Variants in KCNK10 observed in about 807,000 individuals in gnomAD.
The protein encoded by KCNK10 is potassium channel subfamily K member 10.
In KCNK10, 25 loss-of-function variants were observed where a neutral mutation model predicts 47.7. The ratio of observed to expected loss-of-function variants is 0.52; its 90% confidence interval spans 0.38 to 0.73. KCNK10 has a LOEUF of 0.73. Ranked by LOEUF, KCNK10 falls within the 30% of genes least tolerant of loss-of-function variation. KCNK10 has a pLI of 0.00. For synonymous variants in KCNK10, 303 were observed against 285.6 expected, an observed-to-expected ratio of 1.06 and a Z score of -0.61; for missense variants, 563 against 714.5, an observed-to-expected ratio of 0.79 and a Z score of 2.42.
intron 5 of KCNK10, 102 bp from the exon 6 acceptor site, chr14:88,188,211 T>C: frequency 7.3e-7 from 1 of 1,367,094 alleles, no homozygotes; most frequent in African/African-American, 1.4e-5. Flanking sequence ...CATCATTGTT[T>C]AACACTCAGC....
chr14:88,217,643 C>A (rs546673110), intron 4 of KCNK10, among the ~76,000 whole-genome samples: 1 of 152,114 alleles, frequency 6.6e-6, no homozygotes, highest in Non-Finnish European at 1.5e-5. Flanking sequence ...CAGTGTCAAC[C>A]TCCTAGACTC....
Position 88,186,036 on chromosome 14 carries a change from G to C in KCNK10, c.1131C>G (p.Ile377Met), listed in dbSNP as rs1226418841. 3.7e-6 allele frequency: 6 copies of C among 1,613,434 alleles called. No individual in the cohort carries two copies. Among genetic ancestry groups the C allele is most frequent in the Non-Finnish European group, 5.1e-6 (6 of 1,179,972 alleles). ...IHDKLQRAAT[I>M]RSMERRRLGL... is the part of the protein sequence containing the mutation. The stretch of plus-strand genomic sequence containing the variant: ...CCAGCCGCCGGCGCTCCATGCTGCG[G>C]ATGGTGGCCGCCCGCTGCAGCTTAT... Residue 377 changes from isoleucine (I) to methionine (M), a missense_variant, in exon 7 of 7, where the codon ATC becomes ATG. Coordinates refer to ENST00000319231, the MANE Select transcript of KCNK10 (RefSeq NM_138317.3). This position sits in a 1 kb window ranked among gnomAD's most constrained non-coding sequence, Gnocchi z 5.5.
rs552514102 is a variant in KCNK10 at position 88,263,757 on chromosome 14, A to G, written c.53-206T>C. On this transcript the variant is annotated intron_variant, in intron 1 of 6. Transcript: ENST00000319231. ...CTAAAAAATAAGCACCAGGGGTCCCAGTTTAAAAAAAAAAAAAGTATAAAC... is the reference window on the plus strand; with the variant it reads ...CTAAAAAATAAGCACCAGGGGTCCCGGTTTAAAAAAAAAAAAAGTATAAAC... Among the ~76,000 whole-genome samples the G allele has an allele frequency of 2.6e-4, 39 of 151,802 alleles. No individual in the cohort carries two copies. The East Asian group carries it at 2.7e-3, about 11-fold the overall frequency.
intron 1 of KCNK10, among the ~76,000 whole-genome samples, chr14:88,318,108 G>A (rs1204546071): frequency 6.6e-6 from 1 of 152,214 alleles, no homozygotes; most frequent in African/African-American, 2.4e-5. Flanking sequence ...AGAGCGAGCT[G>A]GAGCTTGCAA....
At chr14:88,261,804 C>A (rs531458539) in intron 2 of KCNK10, among the ~76,000 whole-genome samples, 1 of 151,942 alleles carries the variant, frequency 6.6e-6, no homozygotes, top group African/African-American at 2.4e-5. Context: ...ATTTGGAGAA[C>A]TGACTTCCTA....
intron 1 of KCNK10, among the ~76,000 whole-genome samples, chr14:88,287,114 A>G (rs1260534939): frequency 1.3e-5 from 2 of 152,224 alleles, no homozygotes; most frequent in Non-Finnish European, 2.9e-5. Context: ...AGAACATGCC[A>G]CTAACAGGCA....
At position 88,274,030 on chromosome 14, in the gene KCNK10, C is replaced by T. The variant is rs537978117; in HGVS notation, c.53-10479G>A. Among the ~76,000 whole-genome samples, 5 of 151,798 alleles carry T rather than the reference C, an allele frequency of 3.3e-5. No homozygotes were observed. The East Asian group carries it at 9.7e-4, about 30-fold the overall frequency. ...GCAGTTATCTCTCCTCACTGGCTCC[C>T]GGAGGGGTCTCCCCCCACCCCCCAC... On this transcript the variant is annotated intron_variant, in intron 1 of 6. Transcript: ENST00000319231.
intron 2 of KCNK10, among the ~76,000 whole-genome samples, chr14:88,252,281 A>G (rs1886822614): frequency 6.6e-6 from 1 of 152,148 alleles, no homozygotes; most frequent in African/African-American, 2.4e-5. Flanking sequence ...AACCTGGGAC[A>G]TTTGGTCATC....
intron 1 of KCNK10, among the ~76,000 whole-genome samples, chr14:88,307,054 G>A (rs115620231): frequency 1.1e-3 from 166 of 152,292 alleles, no homozygotes; most frequent in African/African-American, 3.6e-3. Context: ...TGTTCAGCAT[G>A]ATGCAGAGGT....
chr14:88,220,285 C>T (rs1361528166), intron 4 of KCNK10, among the ~76,000 whole-genome samples: 5 of 149,406 alleles, frequency 3.3e-5, no homozygotes, highest in East Asian at 2.0e-4. Flanking sequence ...GGCGTAGTGG[C>T]GGGCGCCTGT....
At chr14:88,256,173 A>G (rs1340542424) in intron 2 of KCNK10, among the ~76,000 whole-genome samples, 1 of 152,158 alleles carries the variant, frequency 6.6e-6, no homozygotes, top group Non-Finnish European at 1.5e-5. Context: ...TGGAATTCGG[A>G]TTAGCATCTT....
intron 1 of KCNK10, among the ~76,000 whole-genome samples, chr14:88,297,489 A>G (rs936356837): frequency 1.3e-5 from 2 of 152,234 alleles, no homozygotes. Flanking sequence ...CTCAGGGCAC[A>G]GTTTTGGTTC....
rs75132782 is a variant in KCNK10 at position 88,185,619 on chromosome 14, G to A, written c.1548C>T (p.His516=). The part of the protein sequence containing the change: ...TAMLTDCIQQ[H]AELENGMIPT... ...GTATCATTCCGTTCTCCAACTCAGC[G>A]TGCTGCTGGATACAGTCCGTCAGCA... The change falls in exon 7 of 7, where the codon CAC becomes CAT. Residue 516 remains histidine, a synonymous_variant. Coordinates refer to ENST00000319231, the MANE Select transcript of KCNK10 (RefSeq NM_138317.3). The surrounding 1 kb of genome is among the most constrained non-coding windows in gnomAD (Gnocchi z 4.3). The A allele has an allele frequency of 9.3e-4, 1,499 of 1,614,142 alleles. 11 individuals are homozygous for A. The East Asian group carries it at 0.011, about 12-fold the overall frequency.
In KCNK10 at chr14:88,186,271, T is replaced by C; in HGVS notation, c.1012-116A>G. On this transcript the variant is annotated intron_variant, in intron 6 of 6. Transcript: ENST00000319231. The surrounding 1 kb of genome is among the most constrained non-coding windows in gnomAD (Gnocchi z 5.5). ...GGAGGCCAGGAGGTGACGGAGCACA[T>C]GCCCAGGGGGAGGTGCAAATGCTAC... 8.0e-7 allele frequency: 1 copy of C among 1,255,996 alleles called. No homozygotes were observed. Among genetic ancestry groups the C allele is most frequent in the Admixed American group, 2.9e-5 (1 of 34,686 alleles). The allele number at this position is 1,255,996 out of a possible 1,614,324, so 77.8% of individuals were successfully genotyped here.
intron 4 of KCNK10, among the ~76,000 whole-genome samples, chr14:88,196,111 G>C (rs1053020483): frequency 1.3e-5 from 2 of 152,236 alleles, no homozygotes; most frequent in African/African-American, 4.8e-5. Context: ...TGATTGGTTA[G>C]ACTAGAGCGC....
chr14:88,317,691 A>C (rs1054077042), intron 1 of KCNK10, among the ~76,000 whole-genome samples: 1 of 152,196 alleles, frequency 6.6e-6, no homozygotes, highest in Non-Finnish European at 1.5e-5. Context: ...TCCTTTCTAC[A>C]TCTTGCTTTA....
chr14:88,253,465 T>A (rs1159890129), intron 2 of KCNK10, among the ~76,000 whole-genome samples: 1 of 152,182 alleles, frequency 6.6e-6, no homozygotes, highest in Non-Finnish European at 1.5e-5. Flanking sequence ...TATGGAAACA[T>A]CACGAGGTAC....
At chr14:88,253,374 C>T (rs568320005) in intron 2 of KCNK10, among the ~76,000 whole-genome samples, 52 of 152,024 alleles carry the variant, frequency 3.4e-4, no homozygotes, top group African/African-American at 7.5e-4. Context: ...GGATATTGAA[C>T]GTTCCCAACA....
At chr14:88,284,677 C>CT (rs1417127171) in intron 1 of KCNK10, among the ~76,000 whole-genome samples, 1 of 152,116 alleles carries the variant, frequency 6.6e-6, no homozygotes, top group African/African-American at 2.4e-5. Context: ...CTTCTGCCTG[C>CT]TTTTTTTAGC....
Sources: allele counts gnomAD v4.1 joint callset (sites outside exome capture counted in the v4.1 genomes callset), GRCh38; gene constraint gnomAD v4.1.1; non-coding constraint Gnocchi (gnomAD v3.1); transcripts MANE v1.5; gene names NCBI Gene and HGNC (gene_info 2026-07-23, HGNC 2026-07-21).